IMMP2L: variants seen among roughly 807,000 people sequenced by gnomAD.
IMMP2L encodes mitochondrial inner membrane protease subunit 2.
Under a neutral mutation model 19.3 loss-of-function variants are expected in IMMP2L, and 18 were observed. The observed-to-expected ratio is 0.93, with a 90% CI of 0.64 to 1.38. The LOEUF (loss-of-function observed/expected upper bound fraction) is 1.38. Ranked by LOEUF, IMMP2L falls within the 40% of genes most tolerant of loss-of-function variation. IMMP2L has a pLI of 0.00. For missense variants in IMMP2L, 233 were observed against 218.2 expected (o/e 1.07, Z -0.43); for synonymous variants, 76 against 73.0 (o/e 1.04, Z -0.21).
intron 3 of IMMP2L, among the ~76,000 whole-genome samples, chr7:111,253,873 C>T (rs1816413724): frequency 6.6e-6 from 1 of 152,060 alleles, no homozygotes; most frequent in Non-Finnish European, 1.5e-5. Flanking sequence ...GTGAGGCCAG[C>T]GTGGCATGAT....
chr7:111,074,856 G>A (rs980808489), intron 3 of IMMP2L, among the ~76,000 whole-genome samples: 27 of 152,166 alleles, frequency 1.8e-4, no homozygotes, highest in Non-Finnish European at 2.2e-4. Context: ...ACAGAAATGC[G>A]GAAAATATCA....
chr7:110,940,633 C>G (rs550762474), intron 4 of IMMP2L, among the ~76,000 whole-genome samples: 7 of 152,252 alleles, frequency 4.6e-5, no homozygotes, highest in African/African-American at 1.4e-4. Flanking sequence ...GCCTTAATCT[C>G]CTCATCTATA....
intron 5 of IMMP2L, among the ~76,000 whole-genome samples, chr7:110,736,540 C>A (rs780663459): frequency 4.6e-5 from 7 of 152,164 alleles, no homozygotes; most frequent in Non-Finnish European, 1.0e-4. Context: ...AGCTAGGGGG[C>A]AGGACTGTTC....
At chr7:111,052,659 G>A (rs774753566) in intron 3 of IMMP2L, among the ~76,000 whole-genome samples, 1 of 152,086 alleles carries the variant, frequency 6.6e-6, no homozygotes, top group African/African-American at 2.4e-5. Context: ...ATGTTCTCAG[G>A]ACCTCTTGAG....
intron 3 of IMMP2L, among the ~76,000 whole-genome samples, chr7:111,039,001 A>G (rs184300120): frequency 2.0e-5 from 3 of 152,164 alleles, no homozygotes; most frequent in South Asian, 2.1e-4. Flanking sequence ...TTTTTCTCTT[A>G]CATCTCAGAC....
At chr7:110,988,109 A>G (rs1822048366) in intron 3 of IMMP2L, among the ~76,000 whole-genome samples, 1 of 152,220 alleles carries the variant, frequency 6.6e-6, no homozygotes, top group African/African-American at 2.4e-5. Context: ...TTAGGGTTAT[A>G]TGATAAAGCA....
intron 5 of IMMP2L, among the ~76,000 whole-genome samples, chr7:110,786,590 A>T (rs1293103095): frequency 6.6e-6 from 1 of 151,998 alleles, no homozygotes; most frequent in East Asian, 1.9e-4. Flanking sequence ...TGATAGCTAA[A>T]CCTAACACTA....
intron 3 of IMMP2L, among the ~76,000 whole-genome samples, chr7:111,047,222 C>T (rs992205833): frequency 4.0e-5 from 6 of 151,022 alleles, no homozygotes; most frequent in African/African-American, 9.8e-5. Flanking sequence ...GAGTTTCACT[C>T]TTGTTGCCCA....
At chr7:110,833,222 T>C (rs1001958731) in intron 5 of IMMP2L, among the ~76,000 whole-genome samples, 44 of 152,170 alleles carry the variant, frequency 2.9e-4, no homozygotes, top group African/African-American at 1.0e-3. Flanking sequence ...GCAGATTATC[T>C]GAGGTCAGGA....
At chr7:110,854,292 T>C (rs1191756109) in intron 5 of IMMP2L, among the ~76,000 whole-genome samples, 2 of 151,968 alleles carry the variant, frequency 1.3e-5, no homozygotes, top group Non-Finnish European at 2.9e-5. Context: ...AAAGAATACA[T>C]TTAAATATTA....
chr7:110,851,230 A>G (rs1250584378), intron 5 of IMMP2L, among the ~76,000 whole-genome samples: 3 of 152,186 alleles, frequency 2.0e-5, no homozygotes, highest in Non-Finnish European at 4.4e-5. Flanking sequence ...TTTTAGCAAT[A>G]TAAGTTCACA....
intron 3 of IMMP2L, among the ~76,000 whole-genome samples, chr7:111,016,839 T>TATA (rs371361698): frequency 5.2e-4 from 36 of 69,556 alleles, no homozygotes; most frequent in Non-Finnish European, 8.3e-4. Context: ...ATAGTATATA[T>TATA]TATATATAAT....
chr7:110,743,122 G>T (rs1276047345), intron 5 of IMMP2L, among the ~76,000 whole-genome samples: 1 of 152,128 alleles, frequency 6.6e-6, no homozygotes, highest in Non-Finnish European at 1.5e-5. Context: ...CATCTTGAAA[G>T]AAAATATATT....
At chr7:111,204,671 A>G (rs1276007000) in intron 3 of IMMP2L, among the ~76,000 whole-genome samples, 1 of 152,192 alleles carries the variant, frequency 6.6e-6, no homozygotes, top group Non-Finnish European at 1.5e-5. Flanking sequence ...ACATTTAAAT[A>G]ACATGTTGAG....
intron 5 of IMMP2L, among the ~76,000 whole-genome samples, chr7:110,830,579 C>CA (rs909946037): frequency 6.6e-5 from 10 of 151,406 alleles, no homozygotes; most frequent in South Asian, 2.1e-4. Context: ...GTACTGCAAA[C>CA]AAAAAAAACA....
rs77268803 is a variant in IMMP2L at position 111,506,742 on chromosome 7, C to T, written c.135+14571G>A. Among the ~76,000 whole-genome samples the T allele has an allele frequency of 2.1e-3, 318 of 152,258 alleles. 4 individuals carry two copies. The highest frequency in any genetic ancestry group is 7.2e-3 in the African/African-American group (301 of 41,558). ...CTTTCTTTACTTTGAAAGTGTCAGGCTGCTGTGGCACAAAGCCCTGAAGAG... is the reference window on the plus strand; with the variant it reads ...CTTTCTTTACTTTGAAAGTGTCAGGTTGCTGTGGCACAAAGCCCTGAAGAG... On this transcript the variant is annotated intron_variant, in intron 2 of 5. Transcript: ENST00000405709.
intron 4 of IMMP2L, among the ~76,000 whole-genome samples, chr7:110,949,824 T>C (rs1313848461): frequency 6.6e-6 from 1 of 152,138 alleles, no homozygotes; most frequent in Non-Finnish European, 1.5e-5. Flanking sequence ...ATTAGAAAGA[T>C]ACAGTAGATA....
chr7:110,826,415 T>C (rs1803492557), intron 5 of IMMP2L, among the ~76,000 whole-genome samples: 1 of 152,082 alleles, frequency 6.6e-6, no homozygotes, highest in Admixed American at 6.6e-5. Context: ...CTATTCACAA[T>C]AGCAAAGACT....
chr7:111,549,095 T>G (rs1329966122), intron 1 of IMMP2L, among the ~76,000 whole-genome samples: 2 of 152,150 alleles, frequency 1.3e-5, no homozygotes, highest in East Asian at 3.8e-4. Context: ...AAAAATACAG[T>G]CATTTTTTTC....
Sources: gnomAD v4.1 joint callset for allele counts (sites outside exome capture counted in the v4.1 genomes callset) on GRCh38, gnomAD v4.1.1 for gene constraint, MANE v1.5 for transcripts, NCBI Gene and HGNC (gene_info 2026-07-23, HGNC 2026-07-21) for gene names.